The following BRINP1 variants were observed in gnomAD, a reference collection of about 807,000 sequenced individuals.
BRINP1 encodes the protein BMP/retinoic acid-inducible neural-specific protein 1.
A neutral mutation model predicts 72.9 loss-of-function variants in BRINP1; 17 were observed. The observed-to-expected ratio is 0.23, with a 90% CI of 0.16 to 0.35. The LOEUF (loss-of-function observed/expected upper bound fraction) is 0.35. Among genes scored for constraint, BRINP1 ranks in the 10% least tolerant of loss-of-function variants. The pLI is 1.00. For synonymous variants in BRINP1, 418 were observed against 378.5 expected, an observed-to-expected ratio of 1.10 and a Z score of -1.21; for missense variants, 850 against 1,001.6, an observed-to-expected ratio of 0.85 and a Z score of 2.04.
rs147046298 is a variant in BRINP1 at position 119,258,654 on chromosome 9, T to C, written c.219-9504A>G. 2.5e-4 allele frequency among the ~76,000 whole-genome samples: 38 copies of C among 152,280 alleles called. No individual in the cohort carries two copies. In the East Asian group the frequency reaches 5.8e-3, roughly 23 times the overall value. ...GGGACTTGCTAAGGCCACAGCACCA[T>C]TGGTGGCAAGAGGGACTAGGAAATA... On this transcript the variant is annotated intron_variant, in intron 2 of 7. Transcript: ENST00000265922.
intron 5 of BRINP1, among the ~76,000 whole-genome samples, chr9:119,236,724 CA>C (rs1043219660): frequency 4.6e-5 from 7 of 152,310 alleles, no homozygotes; most frequent in Non-Finnish European, 1.0e-4. Context: ...CTGGCACACA[CA>C]AGGAAGATCT....
intron 7 of BRINP1, among the ~76,000 whole-genome samples, chr9:119,174,297 G>C (rs1337654936): frequency 1.3e-5 from 2 of 150,992 alleles, no homozygotes; most frequent in Non-Finnish European, 2.9e-5. Context: ...CCATCAACAA[G>C]TGGGCGAAGG....
chr9:119,180,647 C>A (rs141958355), intron 7 of BRINP1, among the ~76,000 whole-genome samples: 336 of 152,296 alleles, frequency 2.2e-3, no homozygotes, highest in Non-Finnish European at 3.9e-3. Context: ...ATCAGACTCA[C>A]TCTGTTCACT....
At position 119,337,570 on chromosome 9, in the gene BRINP1, C is replaced by T. The variant is rs536327720; in HGVS notation, c.-50-24165G>A. The stretch of plus-strand genomic sequence containing the variant: ...ATAGGCTTACAGGATCAAGTCCAAA[C>T]ATCTTAATTAAAAGCCCAAGATTCT... On this transcript the variant is annotated intron_variant, in intron 1 of 7. Coordinates refer to ENST00000265922, the MANE Select transcript of BRINP1 (RefSeq NM_014618.3). Among the ~76,000 whole-genome samples, 14 of 152,336 alleles carry T rather than the reference C, an allele frequency of 9.2e-5. 1 individual carries two copies. In the South Asian group the frequency reaches 2.9e-3, roughly 32 times the overall value.
intron 5 of BRINP1, among the ~76,000 whole-genome samples, chr9:119,224,073 T>G (rs892806251): frequency 6.6e-6 from 1 of 152,072 alleles, no homozygotes; most frequent in East Asian, 1.9e-4. Context: ...ATTAAGAAAG[T>G]CCTTTCATTT....
intron 7 of BRINP1, among the ~76,000 whole-genome samples, chr9:119,194,789 C>T (rs190279586): frequency 2.1e-3 from 324 of 152,270 alleles, no homozygotes; most frequent in Non-Finnish European, 3.5e-3. Context: ...CCAGAACCCA[C>T]TGGTAAGAGC....
intron 5 of BRINP1, among the ~76,000 whole-genome samples, chr9:119,214,916 T>G (rs534090967): frequency 1.3e-5 from 2 of 152,284 alleles, no homozygotes; most frequent in Non-Finnish European, 2.9e-5. Flanking sequence ...ATGGAGGTGC[T>G]CGTGCTGTAG....
intron 2 of BRINP1, among the ~76,000 whole-genome samples, chr9:119,251,587 A>G (rs1316132932): frequency 6.6e-6 from 1 of 151,888 alleles, no homozygotes; most frequent in Non-Finnish European, 1.5e-5. Context: ...TAAAAGTAAA[A>G]GAGAAACAAA....
intron 5 of BRINP1, among the ~76,000 whole-genome samples, chr9:119,225,961 T>C (rs771146633): frequency 5.9e-5 from 9 of 152,068 alleles, no homozygotes; most frequent in Non-Finnish European, 1.0e-4. Context: ...TAAACATTTA[T>C]TGAGCATCTA....
intron 5 of BRINP1, among the ~76,000 whole-genome samples, chr9:119,231,825 C>T (rs1231871027): frequency 6.6e-6 from 1 of 152,008 alleles, no homozygotes; most frequent in East Asian, 1.9e-4. Flanking sequence ...TCTATCATCG[C>T]AACTTTTAAC....
intron 1 of BRINP1, among the ~76,000 whole-genome samples, chr9:119,350,185 C>A (rs1389007303): frequency 6.6e-6 from 1 of 152,158 alleles, no homozygotes. Flanking sequence ...CATCTGGGAA[C>A]AACTGCTCTG....
intron 1 of BRINP1, among the ~76,000 whole-genome samples, chr9:119,367,801 C>T (rs532147655): frequency 6.6e-6 from 1 of 151,186 alleles, no homozygotes; most frequent in African/African-American, 2.4e-5. Context: ...GTAGATCTCC[C>T]TCAGTACTGA....
chr9:119,198,529 T>C (rs926369087), intron 7 of BRINP1, among the ~76,000 whole-genome samples: 2 of 152,184 alleles, frequency 1.3e-5, no homozygotes, highest in South Asian at 2.1e-4. Flanking sequence ...TTCTTTATTA[T>C]ATGATTACAT....
chr9:119,237,212 T>G (rs905796208), intron 5 of BRINP1, among the ~76,000 whole-genome samples: 1 of 152,110 alleles, frequency 6.6e-6, no homozygotes, highest in Non-Finnish European at 1.5e-5. Flanking sequence ...ATGTCATTTT[T>G]TTTTCTGACT....
chr9:119,294,931 T>C (rs1003683525), intron 2 of BRINP1, among the ~76,000 whole-genome samples: 1 of 150,938 alleles, frequency 6.6e-6, no homozygotes, highest in Non-Finnish European at 1.5e-5. Flanking sequence ...TGTTAAAATG[T>C]CCATAATACC....
chr9:119,364,940 G>A (rs1831675815), intron 1 of BRINP1, among the ~76,000 whole-genome samples: 1 of 152,254 alleles, frequency 6.6e-6, no homozygotes, highest in African/African-American at 2.4e-5. Flanking sequence ...TAGAAAGTGT[G>A]AGAGACAGAG....
chr9:119,182,651 A>G (rs886306757), intron 7 of BRINP1, among the ~76,000 whole-genome samples: 1 of 152,184 alleles, frequency 6.6e-6, no homozygotes, highest in Non-Finnish European at 1.5e-5. Flanking sequence ...GTGAACCCAA[A>G]AGCCCTTACC....
At chr9:119,355,459 T>C (rs1831552126) in intron 1 of BRINP1, among the ~76,000 whole-genome samples, 1 of 152,146 alleles carries the variant, frequency 6.6e-6, no homozygotes, top group South Asian at 2.1e-4. Flanking sequence ...CCGGGCACGG[T>C]GGCTCACGCC....
chr9:119,274,731 T>C (rs1396531445), intron 2 of BRINP1, among the ~76,000 whole-genome samples: 1 of 152,104 alleles, frequency 6.6e-6, no homozygotes, highest in Non-Finnish European at 1.5e-5. Context: ...TTCTAAAAAT[T>C]AGAAAACTGA....
Sources: gnomAD v4.1 joint callset for allele counts (sites outside exome capture counted in the v4.1 genomes callset) on GRCh38, gnomAD v4.1.1 for gene constraint, MANE v1.5 for transcripts, NCBI Gene and HGNC (gene_info 2026-07-23, HGNC 2026-07-21) for gene names.